SSUH2: variants seen among roughly 807,000 people sequenced by gnomAD.
SSUH2 encodes ssu-2 homolog.
SSUH2 carries 47 observed loss-of-function variants against 55.3 expected under a neutral mutation model. That is an observed-to-expected ratio of 0.85 (90% CI 0.67 to 1.08). The LOEUF (loss-of-function observed/expected upper bound fraction) is 1.08, where lower values mean the gene tolerates loss of function less well. Among genes scored for constraint, SSUH2 ranks in the 50% least tolerant of loss-of-function variants. The pLI, the probability that SSUH2 is intolerant of heterozygous loss-of-function variation, is 0.00. For missense variants in SSUH2, 535 were observed against 490.7 expected, an observed-to-expected ratio of 1.09 and a Z score of -0.85; for synonymous variants, 212 against 191.5, an observed-to-expected ratio of 1.11 and a Z score of -0.89.
chr3:8,651,184 A>C (rs1702358817), intron 7 of SSUH2, among the ~76,000 whole-genome samples: 1 of 152,212 alleles, frequency 6.6e-6, no homozygotes, highest in African/African-American at 2.4e-5. Flanking sequence ...GCAAGGCACC[A>C]CCAGCCTTCC....
upstream of SSUH2, chr3:8,644,898 T>C (rs1559446377): frequency 4.0e-6 from 3 of 745,226 alleles, no homozygotes; most frequent in Non-Finnish European, 4.7e-6. Flanking sequence ...GAAACATCTA[T>C]ATCGTTCATC....
rs189858742 is a variant in SSUH2, at chr3:8,656,053, A to G, written c.-307+2872T>C. ...GTTGGGTGGTTTGTTCTGTTTTTTA[A>G]TAATTTGTGTCCCACTTCAACAATA... On this transcript the variant is annotated intron_variant, in intron 7 of 18. Transcript: ENST00000317371. 3.3e-3 allele frequency among the ~76,000 whole-genome samples: 498 copies of G among 152,312 alleles called. 6 individuals carry two copies. The highest frequency in any genetic ancestry group is 8.0e-3 in the African/African-American group (332 of 41,550).
At chr3:8,679,372 AG>A (rs1705783462) in intron 2 of SSUH2, among the ~76,000 whole-genome samples, 1 of 90,706 alleles carries the variant, frequency 1.1e-5, no homozygotes, top group Non-Finnish European at 2.4e-5. Flanking sequence ...CATTGGCGGG[AG>A]GCATCCCCCA....
chr3:8,657,266 A>C lies in SSUH2; in HGVS notation c.-307+1659T>G, dbSNP rs952190865. On this transcript the variant is annotated intron_variant, in intron 7 of 18. Coordinates refer to the SSUH2 transcript ENST00000317371. ...TCAGGATAGCATCTCAGGCATCTTC[A>C]CATAACTGACACTGCACTTGATGAG... is the stretch of plus-strand genomic sequence containing the variant. Among the ~76,000 whole-genome samples the C allele has an allele frequency of 4.6e-5, 7 of 151,146 alleles. No individual in the cohort carries two copies. In the Admixed American group the frequency reaches 4.6e-4, roughly 10 times the overall value.
chr3:8,623,439 C>A lies in SSUH2; in HGVS notation c.981+110G>T, dbSNP rs896052586. The A allele has an allele frequency of 6.9e-6, 5 of 725,630 alleles. No individual in the cohort carries two copies. In the East Asian group the frequency reaches 1.1e-4, roughly 16 times the overall value. 44.9% of individuals were successfully genotyped at this position (725,630 alleles called of 1,614,324 possible). Reference sequence around the variant, plus strand: ...CCCTTCCCACACTCCTCCCCCGGGACCTCCCTCACCTCTACGTCCTCATCC... The same window carrying A: ...CCCTTCCCACACTCCTCCCCCGGGAACTCCCTCACCTCTACGTCCTCATCC... On this transcript the variant is annotated intron_variant, in intron 11 of 11. Coordinates refer to ENST00000544814, the MANE Select transcript of SSUH2 (RefSeq NM_001256748.3).
At chr3:8,676,212 A>C (rs1419538015) in intron 3 of SSUH2, among the ~76,000 whole-genome samples, 9 of 151,722 alleles carry the variant, frequency 5.9e-5, no homozygotes, top group Admixed American at 3.3e-4. Flanking sequence ...GGGTGTACAC[A>C]CTCGGTGTAC....
chr3:8,661,129 C>T (rs1703444582), intron 6 of SSUH2, among the ~76,000 whole-genome samples: 1 of 152,258 alleles, frequency 6.6e-6, no homozygotes. Flanking sequence ...GCCACTGCTC[C>T]TTACACCTTA....
intron 1 of SSUH2, chr3:8,681,809 C>G (rs1055990091): frequency 6.5e-6 from 1 of 154,640 alleles, no homozygotes; most frequent in Non-Finnish European, 1.4e-5. Context: ...GCACCCACCG[C>G]AGGGTGGGGA....
intron 3 of SSUH2, among the ~76,000 whole-genome samples, chr3:8,674,996 C>T (rs1270990639): frequency 1.3e-5 from 2 of 152,182 alleles, no homozygotes; most frequent in Admixed American, 6.5e-5. Flanking sequence ...CACCTAACAA[C>T]TTTTGGAATT....
rs80269749 is a variant in SSUH2, at chr3:8,622,740, G to A, written c.981+809C>T. Among the ~76,000 whole-genome samples the A allele has an allele frequency of 8.2e-4, 125 of 152,304 alleles. 1 individual carries two copies. Among genetic ancestry groups the A allele is most frequent in the African/African-American group, 3.0e-3 (124 of 41,574 alleles). ...GATGTGCAGACAGAGACAGAGAAGG[G>A]GAAATGCCCATTGCAAAGGACAGAA... On this transcript the variant is annotated intron_variant, in intron 11 of 11. Coordinates refer to ENST00000544814, the MANE Select transcript of SSUH2 (RefSeq NM_001256748.3).
intron 2 of SSUH2, among the ~76,000 whole-genome samples, chr3:8,677,789 C>A (rs9861527): frequency 0.011 from 1,686 of 150,674 alleles, 79 homozygotes; most frequent in African/African-American, 0.038. Context: ...ACATAAAGGC[C>A]CCCCATGCTG....
chr3:8,665,280 G>C (rs1703891918), intron 5 of SSUH2, among the ~76,000 whole-genome samples: 1 of 152,104 alleles, frequency 6.6e-6, no homozygotes, highest in East Asian at 1.9e-4. Context: ...GGGTAGAAGG[G>C]GAAGAGAGAA....
intron 11 of SSUH2, among the ~76,000 whole-genome samples, chr3:8,623,276 G>T (rs1696816007): frequency 6.6e-6 from 1 of 152,212 alleles, no homozygotes; most frequent in African/African-American, 2.4e-5. Flanking sequence ...AAAATCCCAT[G>T]ACACCACATT....
At chr3:8,678,870 C>G (rs557958635) in intron 2 of SSUH2, among the ~76,000 whole-genome samples, 7 of 111,970 alleles carry the variant, frequency 6.3e-5, no homozygotes, top group African/African-American at 1.9e-4. Context: ...CCCAGCCTGG[C>G]TCTTAGGATC....
intron 7 of SSUH2, among the ~76,000 whole-genome samples, chr3:8,657,980 G>A (rs911136848): frequency 6.6e-6 from 1 of 152,246 alleles, no homozygotes; most frequent in Non-Finnish European, 1.5e-5. Context: ...CAACTCCAAG[G>A]CTGGCCCTCC....
At position 8,619,901 on chromosome 3, in the gene SSUH2, A is replaced by C. The variant is rs1196500066; in HGVS notation, c.1095T>G (p.Pro365=). 13 of 1,614,092 alleles carry C rather than the reference A, an allele frequency of 8.1e-6. No homozygotes were observed. Among genetic ancestry groups the C allele is most frequent in the Non-Finnish European group, 1.1e-5 (13 of 1,180,034 alleles). ...TDHQVYAVDY[P]ERYCCGCTIV ...TGGTACAGCCACAGCAATACCGCTC[A>C]GGATAGTCCACCGCATACACCTGGT... Residue 365 remains proline (P), a synonymous_variant, in exon 12 of 12, where the codon CCT becomes CCG. Transcript: ENST00000544814.
rs1266225172 is a variant in SSUH2 at position 8,678,861 on chromosome 3, CCA to C, written c.-901+842_-901+843del. 3.4e-5 allele frequency among the ~76,000 whole-genome samples: 4 copies of C among 117,198 alleles called. 2 individuals carry two copies. Among genetic ancestry groups the C allele is most frequent in the Non-Finnish European group, 3.9e-5 (2 of 50,774 alleles). 76.9% of individuals were successfully genotyped at this position (117,198 alleles called of 152,430 possible). ...GGACTGAGAACCAATCCCTCTTCCC[CCA>C]GCCTGGCTCTTAGGATCCCCATTGC... is the stretch of plus-strand genomic sequence containing the variant. On this transcript the variant is annotated intron_variant, in intron 2 of 18. Transcript: ENST00000317371.
chr3:8,629,633 C>CTGACTCACCAGTGGTCCACAGA, intron 7 of SSUH2, 31 bp downstream of exon 7: 1 of 1,587,726 alleles, frequency 6.3e-7, no homozygotes, highest in Non-Finnish European at 8.6e-7. Flanking sequence ...CACACCCTCA[C>CTGACTCACCAGTGGTCCACAGA]TGACTCACCA....
chr3:8,667,684 G>A (rs930728263), intron 5 of SSUH2, among the ~76,000 whole-genome samples: 4 of 152,318 alleles, frequency 2.6e-5, no homozygotes, highest in Middle Eastern at 3.4e-3. Flanking sequence ...ATTGGCCACT[G>A]GGGATCAACT....
Sources: gnomAD v4.1 joint callset for allele counts (sites outside exome capture counted in the v4.1 genomes callset) on GRCh38, gnomAD v4.1.1 for gene constraint, MANE v1.5 for transcripts, NCBI Gene and HGNC (gene_info 2026-07-23, HGNC 2026-07-21) for gene names.